Variants in KCNH8 observed in about 807,000 individuals in gnomAD.
KCNH8 encodes the protein voltage-gated delayed rectifier potassium channel KCNH8.
In KCNH8, 70 loss-of-function variants were observed where a neutral mutation model predicts 103.6. The observed-to-expected ratio is 0.68, with a 90% CI of 0.56 to 0.82. KCNH8 has a LOEUF of 0.82. KCNH8 is among the 40% of genes least tolerant of loss of function. The pLI is 0.00. For missense variants in KCNH8, 1,217 were observed against 1,329.9 expected (o/e 0.92, Z 1.32); for synonymous variants, 498 against 489.4 (o/e 1.02, Z -0.23).
At chr3:19,377,843 CA>C (rs1259674099) in intron 5 of KCNH8, among the ~76,000 whole-genome samples, 1 of 152,184 alleles carries the variant, frequency 6.6e-6, no homozygotes, top group Admixed American at 6.5e-5. Context: ...GGCTGAGAGC[CA>C]TTAAAATGCT....
chr3:19,231,106 G>C (rs1033432840), intron 1 of KCNH8, among the ~76,000 whole-genome samples: 1 of 151,978 alleles, frequency 6.6e-6, no homozygotes, highest in Admixed American at 6.6e-5. Flanking sequence ...ATAACATGAT[G>C]TTAAAAATGT....
At chr3:19,521,141 G>A (rs2068964613) in intron 15 of KCNH8, among the ~76,000 whole-genome samples, 1 of 151,970 alleles carries the variant, frequency 6.6e-6, no homozygotes, top group South Asian at 2.1e-4. Flanking sequence ...GAAAAGGTTT[G>A]TAGGTGAAGG....
At chr3:19,258,963 A>ATATG (rs1453579254) in intron 2 of KCNH8, among the ~76,000 whole-genome samples, 1 of 134,148 alleles carries the variant, frequency 7.5e-6, no homozygotes, top group Non-Finnish European at 1.6e-5. Context: ...ATATATATAT[A>ATATG]TATATATATA....
At chr3:19,260,533 T>G (rs1436822339) in intron 2 of KCNH8, among the ~76,000 whole-genome samples, 6 of 97,394 alleles carry the variant, frequency 6.2e-5, no homozygotes, top group African/African-American at 2.2e-4. Context: ...TATATATATA[T>G]AGTAAAATGG....
chr3:19,403,401 A>AT (rs1559311343), intron 7 of KCNH8, among the ~76,000 whole-genome samples: 2 of 105,232 alleles, frequency 1.9e-5, no homozygotes, highest in East Asian at 2.6e-4. Flanking sequence ...TATATATATA[A>AT]AATCCTTCTG....
At chr3:19,439,716 A>T (rs2067251203) in intron 8 of KCNH8, among the ~76,000 whole-genome samples, 1 of 152,204 alleles carries the variant, frequency 6.6e-6, no homozygotes, top group South Asian at 2.1e-4. Context: ...AGAAGACCAC[A>T]AACAAAAAGT....
intron 3 of KCNH8, among the ~76,000 whole-genome samples, chr3:19,306,904 T>C (rs903595566): frequency 1.3e-5 from 2 of 151,890 alleles, no homozygotes; most frequent in Non-Finnish European, 2.9e-5. Flanking sequence ...AAACCCCAAA[T>C]AGCCAAAGCA....
At chr3:19,387,050 T>C (rs1243990200) in intron 5 of KCNH8, among the ~76,000 whole-genome samples, 1 of 152,140 alleles carries the variant, frequency 6.6e-6, no homozygotes, top group Non-Finnish European at 1.5e-5. Flanking sequence ...AACATTGAGT[T>C]ATCCTGGTTC....
chr3:19,507,412 G>C (rs540292200), intron 11 of KCNH8, among the ~76,000 whole-genome samples: 1 of 152,168 alleles, frequency 6.6e-6, no homozygotes, highest in African/African-American at 2.4e-5. Flanking sequence ...CATGAAGAGT[G>C]GGGGGCCTGG....
In KCNH8 at chr3:19,315,193, A is replaced by G. The variant is rs566333461; in HGVS notation, c.443-27394A>G. On this transcript the variant is annotated intron_variant, in intron 3 of 15. Transcript: ENST00000328405. ...GTGCAGACTTGAAACTGGGGAGTGA[A>G]GTGTCAGTGCCAGAACTGGTAAAGA... Among the ~76,000 whole-genome samples the G allele has an allele frequency of 5.9e-5, 9 of 152,038 alleles. No individual in the cohort carries two copies. In the East Asian group the frequency reaches 1.7e-3, roughly 29 times the overall value.
chr3:19,408,440 C>T (rs1449376113), intron 7 of KCNH8, among the ~76,000 whole-genome samples: 1 of 152,070 alleles, frequency 6.6e-6, no homozygotes, highest in Non-Finnish European at 1.5e-5. Context: ...AACAAGAATG[C>T]TGGCATCATG....
At chr3:19,242,157 C>T (rs930358960) in intron 1 of KCNH8, among the ~76,000 whole-genome samples, 11 of 152,064 alleles carry the variant, frequency 7.2e-5, no homozygotes, top group African/African-American at 2.2e-4. Flanking sequence ...AGATCTCATT[C>T]CAAGTGCAAT....
intron 8 of KCNH8, among the ~76,000 whole-genome samples, chr3:19,439,147 T>A (rs2067242221): frequency 6.6e-6 from 1 of 152,178 alleles, no homozygotes; most frequent in Non-Finnish European, 1.5e-5. Flanking sequence ...AAGCCCCAAA[T>A]ACACTTACTT....
chr3:19,290,233 T>G (rs1358829338), intron 3 of KCNH8, among the ~76,000 whole-genome samples: 1 of 152,164 alleles, frequency 6.6e-6, no homozygotes, highest in African/African-American at 2.4e-5. Flanking sequence ...TGAATACCCT[T>G]TATTTCCTTC....
intron 11 of KCNH8, among the ~76,000 whole-genome samples, chr3:19,499,874 G>A: frequency 6.6e-6 from 1 of 152,084 alleles, no homozygotes; most frequent in Non-Finnish European, 1.5e-5. Context: ...GGAAGAAACT[G>A]CATCAACTAA....
intron 1 of KCNH8, among the ~76,000 whole-genome samples, chr3:19,164,483 T>C (rs945678111): frequency 6.6e-6 from 1 of 152,210 alleles, no homozygotes; most frequent in African/African-American, 2.4e-5. Flanking sequence ...TCTGACTTTA[T>C]GGATTGGGAA....
intron 15 of KCNH8, among the ~76,000 whole-genome samples, chr3:19,521,184 G>T (rs920611561): frequency 6.6e-6 from 1 of 151,972 alleles, no homozygotes; most frequent in Non-Finnish European, 1.5e-5. Context: ...AAATCTGGCT[G>T]ACCCAGAAAG....
At chr3:19,219,021 AT>A (rs2063844700) in intron 1 of KCNH8, among the ~76,000 whole-genome samples, 1 of 152,140 alleles carries the variant, frequency 6.6e-6, no homozygotes. Flanking sequence ...CAACATATGA[AT>A]TTGGACACAA....
At chr3:19,362,801 G>A (rs1019919909) in intron 5 of KCNH8, among the ~76,000 whole-genome samples, 3 of 152,080 alleles carry the variant, frequency 2.0e-5, no homozygotes, top group African/African-American at 7.2e-5. Context: ...TGGGATTACA[G>A]GCATGTGCCA....
Sources: gnomAD v4.1 joint callset for allele counts (sites outside exome capture counted in the v4.1 genomes callset) on GRCh38, gnomAD v4.1.1 for gene constraint, MANE v1.5 for transcripts, NCBI Gene and HGNC (gene_info 2026-07-23, HGNC 2026-07-21) for gene names.